Variants in KIAA1549L observed in about 807,000 individuals in gnomAD.
KIAA1549L encodes the protein UPF0606 protein KIAA1549L.
Under a neutral mutation model 160.7 loss-of-function variants are expected in KIAA1549L, and 88 were observed. That is an observed-to-expected ratio of 0.55 (90% CI 0.46 to 0.65). The LOEUF (loss-of-function observed/expected upper bound fraction) is 0.65. Among genes scored for constraint, KIAA1549L ranks in the 30% least tolerant of loss-of-function variants. The probability of loss-of-function intolerance (pLI) is 0.00; values close to 1 mark genes in which losing one functional copy is unlikely to be tolerated. For synonymous variants in KIAA1549L, 950 were observed against 976.7 expected (o/e 0.97, Z 0.51); for missense variants, 2,258 against 2,437.5 (o/e 0.93, Z 1.55).
chr11:33,501,760 A>C (rs1279323624), intron 1 of KIAA1549L, among the ~76,000 whole-genome samples: 2 of 151,842 alleles, frequency 1.3e-5, no homozygotes, highest in Admixed American at 1.3e-4. Flanking sequence ...GCCAGGCACT[A>C]CTCTGAGTAT....
chr11:33,379,317 T>G (rs968140900), intron 1 of KIAA1549L, among the ~76,000 whole-genome samples: 2 of 152,142 alleles, frequency 1.3e-5, no homozygotes, highest in African/African-American at 4.8e-5. Context: ...TGCTTGAATA[T>G]TCTAAAGGAA....
intron 16 of KIAA1549L, 77 bp downstream of exon 16, chr11:33,618,739 T>G: frequency 7.8e-7 from 1 of 1,290,316 alleles, no homozygotes; most frequent in Non-Finnish European, 1.0e-6. Context: ...TCCCACTGTG[T>G]TTTGGTTTAC....
At chr11:33,539,317 T>G (rs1177982817) in intron 1 of KIAA1549L, among the ~76,000 whole-genome samples, 1 of 152,228 alleles carries the variant, frequency 6.6e-6, no homozygotes, top group Non-Finnish European at 1.5e-5. Context: ...CTCTTATGTT[T>G]TCTTGACTAT....
chr11:33,504,665 A>C (rs1853039163), intron 1 of KIAA1549L, among the ~76,000 whole-genome samples: 1 of 151,936 alleles, frequency 6.6e-6, no homozygotes. Context: ...ATGGGGTTTC[A>C]CCATGTTGGC....
chr11:33,547,391 T>C (rs1002176090), intron 3 of KIAA1549L, among the ~76,000 whole-genome samples: 13 of 152,200 alleles, frequency 8.5e-5, no homozygotes, highest in Non-Finnish European at 1.8e-4. Context: ...GATCCAGGGT[T>C]GTTTGAGGCC....
At chr11:33,477,511 A>ACGCG (rs76816523) in intron 1 of KIAA1549L, among the ~76,000 whole-genome samples, 2 of 144,242 alleles carry the variant, frequency 1.4e-5, no homozygotes, top group African/African-American at 5.3e-5. Context: ...GTGCACGCAC[A>ACGCG]CACACACAAA....
At chr11:33,594,722 A>G (rs180923110) in intron 12 of KIAA1549L, among the ~76,000 whole-genome samples, 84 of 152,360 alleles carry the variant, frequency 5.5e-4, no homozygotes, top group African/African-American at 1.9e-3. Flanking sequence ...ACAGAGATGT[A>G]CGAACAAATT....
At chr11:33,531,676 A>G (rs1258654513) in intron 1 of KIAA1549L, among the ~76,000 whole-genome samples, 1 of 152,188 alleles carries the variant, frequency 6.6e-6, no homozygotes, top group African/African-American at 2.4e-5. Flanking sequence ...ATTTGATTCT[A>G]TTGACTGGTG....
chr11:33,573,374 C>T (rs1409263004), intron 9 of KIAA1549L, among the ~76,000 whole-genome samples: 1 of 152,074 alleles, frequency 6.6e-6, no homozygotes. Flanking sequence ...ACCATCCACG[C>T]CTGTATCTCT....
chr11:33,634,066 A>G (rs1477049258), intron 16 of KIAA1549L, among the ~76,000 whole-genome samples: 1 of 152,144 alleles, frequency 6.6e-6, no homozygotes, highest in Non-Finnish European at 1.5e-5. Flanking sequence ...GTTTTGAGAC[A>G]GAGTCTCATT....
intron 1 of KIAA1549L, among the ~76,000 whole-genome samples, chr11:33,409,181 T>C (rs1437478096): frequency 6.6e-6 from 1 of 152,120 alleles, no homozygotes; most frequent in Non-Finnish European, 1.5e-5. Flanking sequence ...GTCTCAAAAC[T>C]GGGCCTTGGT....
rs1211711965 is a variant in KIAA1549L, at chr11:33,669,838, G to GATT, written c.*1686_*1687insTAT. The GATT allele has an allele frequency of 2.0e-5, 3 of 152,222 alleles. No individual in the cohort carries two copies. The highest frequency in any genetic ancestry group is 7.2e-5 in the African/African-American group (3 of 41,456). The allele number at this position is 152,222 out of a possible 1,614,324, so 9.4% of individuals were successfully genotyped here. The stretch of plus-strand genomic sequence containing the variant: ...CTTCAAACAAGTCTCTTGTTCGGAT[G>GATT]ATAATAGGTAGTGTCCTTTTAGTAT... On this transcript the variant is annotated 3_prime_UTR_variant, in exon 21 of 21. Coordinates refer to ENST00000658780, the MANE Select transcript of KIAA1549L (RefSeq NM_012194.3).
At chr11:33,637,352 C>T (rs1409380593) in intron 16 of KIAA1549L, among the ~76,000 whole-genome samples, 1 of 152,230 alleles carries the variant, frequency 6.6e-6, no homozygotes, top group Non-Finnish European at 1.5e-5. Flanking sequence ...CCTAACCGGC[C>T]TCCCATAAAT....
At chr11:33,487,446 C>G (rs890878934) in intron 1 of KIAA1549L, among the ~76,000 whole-genome samples, 1 of 142,394 alleles carries the variant, frequency 7.0e-6, no homozygotes, top group Non-Finnish European at 1.5e-5. Flanking sequence ...GTATCCTTAG[C>G]AGCCAACATC....
chr11:33,478,894 G>A (rs1365507407), intron 1 of KIAA1549L, among the ~76,000 whole-genome samples: 1 of 152,120 alleles, frequency 6.6e-6, no homozygotes, highest in Non-Finnish European at 1.5e-5. Context: ...GCCTCCCAAA[G>A]TGCTGGGATT....
chr11:33,622,343 T>C (rs1406534546), intron 16 of KIAA1549L, among the ~76,000 whole-genome samples: 1 of 152,110 alleles, frequency 6.6e-6, no homozygotes, highest in South Asian at 2.1e-4. Flanking sequence ...CCTGGAAAGA[T>C]TCCTAGAACA....
At chr11:33,401,493 A>AC (rs1312975319) in intron 1 of KIAA1549L, among the ~76,000 whole-genome samples, 1 of 151,340 alleles carries the variant, frequency 6.6e-6, no homozygotes, top group African/African-American at 2.4e-5. Context: ...CACCCAGTCC[A>AC]CCTTAGATGG....
chr11:33,555,868 C>T (rs1442094829), intron 6 of KIAA1549L, among the ~76,000 whole-genome samples: 1 of 152,060 alleles, frequency 6.6e-6, no homozygotes, highest in African/African-American at 2.4e-5. Context: ...AGTGAAAAAG[C>T]AATTCATAGA....
At chr11:33,590,817 A>G (rs1438345942) in intron 11 of KIAA1549L, among the ~76,000 whole-genome samples, 3 of 152,256 alleles carry the variant, frequency 2.0e-5, no homozygotes, top group East Asian at 3.8e-4. Context: ...GTGCTATTAC[A>G]CATAAAGCTA....
Sources: allele counts gnomAD v4.1 joint callset (sites outside exome capture counted in the v4.1 genomes callset), GRCh38; gene constraint gnomAD v4.1.1; transcripts MANE v1.5; gene names NCBI Gene and HGNC (gene_info 2026-07-23, HGNC 2026-07-21).